Variants in ZNF385D observed in about 807,000 individuals in gnomAD.
ZNF385D encodes the protein zinc finger protein 659.
Under a neutral mutation model 35.8 loss-of-function variants are expected in ZNF385D, and 15 were observed. That is an observed-to-expected ratio of 0.42 (90% CI 0.28 to 0.64). The LOEUF (loss-of-function observed/expected upper bound fraction) is 0.64. Ranked by LOEUF, ZNF385D falls within the 30% of genes least tolerant of loss-of-function variation. ZNF385D has a pLI of 0.23. For synonymous variants in ZNF385D, 212 were observed against 186.8 expected, an observed-to-expected ratio of 1.13 and a Z score of -1.10; for missense variants, 474 against 494.6, an observed-to-expected ratio of 0.96 and a Z score of 0.39.
intron 2 of ZNF385D, among the ~76,000 whole-genome samples, chr3:22,342,358 C>A (rs1414342863): frequency 6.7e-6 from 1 of 150,044 alleles, no homozygotes; most frequent in African/African-American, 2.5e-5. Context: ...CAGGCTAAAA[C>A]CTCAGTCCTA....
intron 1 of ZNF385D, among the ~76,000 whole-genome samples, chr3:21,707,298 T>C (rs2067941702): frequency 6.6e-6 from 1 of 152,360 alleles, no homozygotes; most frequent in Middle Eastern, 3.4e-3. Context: ...CTTGATTTAC[T>C]ATAAATTGTG....
intron 5 of ZNF385D, among the ~76,000 whole-genome samples, chr3:21,431,326 T>C (rs4857998): frequency 6.6e-6 from 1 of 152,170 alleles, no homozygotes; most frequent in Admixed American, 6.6e-5. Context: ...CTCACAGTGA[T>C]GTAATAATTC....
intron 3 of ZNF385D, among the ~76,000 whole-genome samples, chr3:21,867,993 G>A (rs549456104): frequency 4.4e-4 from 67 of 152,204 alleles, no homozygotes; most frequent in African/African-American, 1.5e-3. Flanking sequence ...ACAAGAAACT[G>A]AACCTAGCAC....
chr3:22,293,350 T>C (rs1702402060), intron 2 of ZNF385D, among the ~76,000 whole-genome samples: 1 of 152,096 alleles, frequency 6.6e-6, no homozygotes. Flanking sequence ...CCTAATTTAG[T>C]ATCTCTCCTT....
intron 3 of ZNF385D, among the ~76,000 whole-genome samples, chr3:21,955,716 G>A (rs918928462): frequency 2.0e-5 from 3 of 152,206 alleles, no homozygotes; most frequent in East Asian, 1.9e-4. Flanking sequence ...GAGTATCTTC[G>A]ATTAACTCAT....
intron 3 of ZNF385D, among the ~76,000 whole-genome samples, chr3:21,765,505 G>C (rs1035233669): frequency 2.0e-5 from 3 of 152,048 alleles, no homozygotes; most frequent in African/African-American, 7.2e-5. Flanking sequence ...GATGAACTGA[G>C]ACAATCATGT....
At chr3:21,889,963 CTG>C (rs1698764608) in intron 3 of ZNF385D, among the ~76,000 whole-genome samples, 2 of 151,940 alleles carry the variant, frequency 1.3e-5, no homozygotes, top group African/African-American at 4.8e-5. Context: ...GTGCGTGTGC[CTG>C]TGTGTGAATT....
At chr3:21,499,352 A>G (rs1706190996) in intron 4 of ZNF385D, among the ~76,000 whole-genome samples, 1 of 149,346 alleles carries the variant, frequency 6.7e-6, no homozygotes, top group Non-Finnish European at 1.5e-5. Flanking sequence ...GGCGGGGGCC[A>G]TTATCCTAAG....
intron 3 of ZNF385D, among the ~76,000 whole-genome samples, chr3:21,554,310 T>A (rs2062661733): frequency 6.6e-6 from 1 of 152,196 alleles, no homozygotes; most frequent in Non-Finnish European, 1.5e-5. Context: ...GGTTATGAGG[T>A]ACATTGTCAA....
At chr3:22,287,007 T>C (rs1214700111) in intron 2 of ZNF385D, among the ~76,000 whole-genome samples, 2 of 151,824 alleles carry the variant, frequency 1.3e-5, no homozygotes, top group Admixed American at 6.5e-5. Flanking sequence ...TTAGACTCTA[T>C]CTATCCCTTC....
chr3:21,686,295 AT>A (rs2067101844), intron 1 of ZNF385D, among the ~76,000 whole-genome samples: 1 of 152,146 alleles, frequency 6.6e-6, no homozygotes, highest in Non-Finnish European at 1.5e-5. Context: ...TGCTATAATT[AT>A]TTTTGGCAAG....
intron 2 of ZNF385D, among the ~76,000 whole-genome samples, chr3:22,235,855 T>A (rs1699149977): frequency 1.3e-5 from 2 of 152,044 alleles, no homozygotes; most frequent in African/African-American, 4.8e-5. Context: ...AAATTTAATT[T>A]AAAAAAGTGC....
intron 3 of ZNF385D, among the ~76,000 whole-genome samples, chr3:22,030,028 A>G (rs1205716272): frequency 2.0e-5 from 3 of 151,668 alleles, no homozygotes; most frequent in Non-Finnish European, 4.4e-5. Flanking sequence ...GCACAGCCTA[A>G]TCAGCTGCCA....
chr3:22,155,681 C>T (rs891732120), intron 3 of ZNF385D, among the ~76,000 whole-genome samples: 5 of 151,880 alleles, frequency 3.3e-5, no homozygotes, highest in African/African-American at 1.2e-4. Context: ...AGAACATGTC[C>T]CTACTTTTAT....
intron 4 of ZNF385D, among the ~76,000 whole-genome samples, chr3:21,499,325 G>A (rs986190403): frequency 6.6e-6 from 1 of 152,132 alleles, no homozygotes; most frequent in Non-Finnish European, 1.5e-5. Flanking sequence ...TCATGTCTTT[G>A]CAGCAATGTG....
intron 3 of ZNF385D, among the ~76,000 whole-genome samples, chr3:22,141,148 G>T (rs544505804): frequency 3.3e-4 from 50 of 152,214 alleles, no homozygotes; most frequent in Non-Finnish European, 4.7e-4. Flanking sequence ...GGTTTATACT[G>T]TTCCTAAAAT....
intron 3 of ZNF385D, among the ~76,000 whole-genome samples, chr3:21,953,030 T>C (rs631246): frequency 0.26 from 39,724 of 151,834 alleles, 5,929 homozygotes; most frequent in Admixed American, 0.41. Flanking sequence ...TGCAGGTATC[T>C]AGTTTCTTTA....
chr3:22,110,901 TGA>T (rs1391864198), intron 3 of ZNF385D, among the ~76,000 whole-genome samples: 1 of 152,082 alleles, frequency 6.6e-6, no homozygotes, highest in Non-Finnish European at 1.5e-5. Flanking sequence ...ATAATTTAGC[TGA>T]GAGTCTTGAA....
intron 3 of ZNF385D, among the ~76,000 whole-genome samples, chr3:22,131,913 C>CTGA (rs1703817708): frequency 6.6e-6 from 1 of 152,058 alleles, no homozygotes; most frequent in Non-Finnish European, 1.5e-5. Flanking sequence ...TCACTGGAGG[C>CTGA]TGATGCTAAT....
Sources: gnomAD v4.1 joint callset for allele counts (sites outside exome capture counted in the v4.1 genomes callset) on GRCh38, gnomAD v4.1.1 for gene constraint, MANE v1.5 for transcripts, NCBI Gene and HGNC (gene_info 2026-07-23, HGNC 2026-07-21) for gene names.